Variants in SGCZ observed in about 807,000 individuals in gnomAD.
SGCZ encodes the protein sarcoglycan zeta.
A neutral mutation model predicts 41.3 loss-of-function variants in SGCZ; 40 were observed. The observed-to-expected ratio is 0.97, with a 90% CI of 0.75 to 1.26. The LOEUF is 1.26. Among genes scored for constraint, SGCZ ranks in the 50% most tolerant of loss-of-function variants. The pLI is 0.00. For synonymous variants in SGCZ, 206 were observed against 137.5 expected (o/e 1.50, Z -3.49); for missense variants, 552 against 369.8 (o/e 1.49, Z -4.04).
chr8:14,464,513 G>C (rs1176149223), intron 2 of SGCZ, among the ~76,000 whole-genome samples: 2 of 145,670 alleles, frequency 1.4e-5, no homozygotes, highest in Non-Finnish European at 3.0e-5. Flanking sequence ...AGTTCATCTA[G>C]CTGTTTGCCA....
chr8:14,154,108 T>C (rs887658281), intron 5 of SGCZ, among the ~76,000 whole-genome samples: 6 of 152,110 alleles, frequency 3.9e-5, no homozygotes, highest in African/African-American at 1.4e-4. Flanking sequence ...CGGTGGCTCA[T>C]GCCTGTAATC....
At position 14,227,187 on chromosome 8, in the gene SGCZ, C is replaced by T. The variant is rs1311304465; in HGVS notation, c.424+10405G>A. On this transcript the variant is annotated intron_variant, in intron 4 of 7. Coordinates refer to ENST00000382080, the MANE Select transcript of SGCZ (RefSeq NM_139167.4). ...ATGCCTGCTTCCCTGGAGTGGCAGG[C>T]TGGTCTCTGAATTACGTTCAATAAT... Among the ~76,000 whole-genome samples, 4 of 152,146 alleles carry T rather than the reference C, an allele frequency of 2.6e-5. No homozygotes were observed. In the East Asian group the frequency reaches 7.7e-4, roughly 29 times the overall value.
At chr8:14,154,317 C>T (rs1397381134) in intron 5 of SGCZ, among the ~76,000 whole-genome samples, 5 of 151,926 alleles carry the variant, frequency 3.3e-5, no homozygotes, top group African/African-American at 4.8e-5. Context: ...TGCAGTGAGC[C>T]GAGATCGTGC....
At chr8:14,972,905 T>C (rs928365881) in intron 1 of SGCZ, among the ~76,000 whole-genome samples, 4 of 152,252 alleles carry the variant, frequency 2.6e-5, no homozygotes, top group Non-Finnish European at 4.4e-5. Context: ...AAATCTTATG[T>C]ATTTATTTAC....
At chr8:14,091,357 T>C (rs1197794048) in intron 7 of SGCZ, among the ~76,000 whole-genome samples, 1 of 151,962 alleles carries the variant, frequency 6.6e-6, no homozygotes, top group African/African-American at 2.4e-5. Flanking sequence ...TACCCACAAA[T>C]GGGATTGCTG....
intron 5 of SGCZ, among the ~76,000 whole-genome samples, chr8:14,109,191 T>C (rs552431385): frequency 6.6e-6 from 1 of 152,352 alleles, no homozygotes; most frequent in African/African-American, 2.4e-5. Flanking sequence ...TGGTTTCATA[T>C]GGAATTGTAG....
rs1387847699 is a variant in SGCZ at position 14,514,800 on chromosome 8, T to C, written c.234+39932A>G. Among the ~76,000 whole-genome samples the C allele has an allele frequency of 7.9e-5, 7 of 89,122 alleles. No homozygotes were observed. In the South Asian group the frequency reaches 8.8e-4, roughly 11 times the overall value. 58.5% of individuals were successfully genotyped at this position (89,122 alleles called of 152,430 possible). Reference sequence around the variant, plus strand: ...ATATGTAAATGTGTGTGTGTGTGTGTGTGTGTGTGTGTGTATATATACACG... The same window carrying C: ...ATATGTAAATGTGTGTGTGTGTGTGCGTGTGTGTGTGTGTATATATACACG... On this transcript the variant is annotated intron_variant, in intron 2 of 7. Transcript: ENST00000382080.
intron 2 of SGCZ, among the ~76,000 whole-genome samples, chr8:14,402,856 T>C (rs1329547387): frequency 6.7e-6 from 1 of 149,710 alleles, no homozygotes; most frequent in African/African-American, 2.6e-5. Context: ...GGGGATGGCA[T>C]TGAATCTGTA....
At chr8:14,485,244 G>A (rs1333502537) in intron 2 of SGCZ, among the ~76,000 whole-genome samples, 1 of 151,976 alleles carries the variant, frequency 6.6e-6, no homozygotes, top group Admixed American at 6.6e-5. Flanking sequence ...ATTTATCCCA[G>A]AATTTTTCTT....
At chr8:15,047,948 T>C (rs1427058864) in intron 1 of SGCZ, among the ~76,000 whole-genome samples, 1 of 151,836 alleles carries the variant, frequency 6.6e-6, no homozygotes, top group African/African-American at 2.4e-5. Flanking sequence ...CAATTAAAAA[T>C]AGAACTACCA....
At chr8:14,973,465 C>A (rs1452760301) in intron 1 of SGCZ, among the ~76,000 whole-genome samples, 2 of 152,170 alleles carry the variant, frequency 1.3e-5, no homozygotes, top group Non-Finnish European at 2.9e-5. Context: ...CTCCCGCTTG[C>A]CTATGCCAAT....
chr8:14,313,058 GT>G (rs1174084129), intron 3 of SGCZ, among the ~76,000 whole-genome samples: 3 of 152,032 alleles, frequency 2.0e-5, no homozygotes, highest in Non-Finnish European at 2.9e-5. Context: ...GCTCAACAAC[GT>G]TTTTTCATGA....
chr8:14,539,515 G>T (rs1205765289), intron 2 of SGCZ, among the ~76,000 whole-genome samples: 1 of 151,720 alleles, frequency 6.6e-6, no homozygotes, highest in African/African-American at 2.4e-5. Context: ...CTGTTTTTTT[G>T]TTTGTTTGTT....
chr8:14,936,872 T>C (rs1800100510), intron 1 of SGCZ, among the ~76,000 whole-genome samples: 1 of 151,854 alleles, frequency 6.6e-6, no homozygotes, highest in Admixed American at 6.6e-5. Context: ...GGACTATATA[T>C]CAAAATCTGT....
intron 1 of SGCZ, among the ~76,000 whole-genome samples, chr8:14,854,628 A>G (rs1196462261): frequency 6.6e-6 from 1 of 152,216 alleles, no homozygotes. Context: ...GATATTTTGA[A>G]TACATACAGT....
At chr8:14,235,641 G>A (rs1806728863) in intron 4 of SGCZ, among the ~76,000 whole-genome samples, 2 of 152,094 alleles carry the variant, frequency 1.3e-5, no homozygotes, top group South Asian at 4.2e-4. Flanking sequence ...GCATTAAGTA[G>A]CTATTGTGTC....
intron 1 of SGCZ, among the ~76,000 whole-genome samples, chr8:15,051,975 C>T (rs117938908): frequency 2.0e-5 from 3 of 152,146 alleles, no homozygotes; most frequent in East Asian, 3.9e-4. Flanking sequence ...GAGATGAACT[C>T]GAGGCCAAGA....
At chr8:14,752,370 C>T (rs188102183) in intron 1 of SGCZ, among the ~76,000 whole-genome samples, 145 of 152,264 alleles carry the variant, frequency 9.5e-4, no homozygotes, top group Admixed American at 9.5e-3. Context: ...CTCTGCAAAG[C>T]CAGCCCTAGG....
intron 1 of SGCZ, among the ~76,000 whole-genome samples, chr8:14,867,661 A>G (rs1803982678): frequency 6.6e-6 from 1 of 152,082 alleles, no homozygotes; most frequent in African/African-American, 2.4e-5. Context: ...GCAAACTAAC[A>G]CAGGAACAGA....
Sources: allele counts gnomAD v4.1 joint callset (sites outside exome capture counted in the v4.1 genomes callset), GRCh38; gene constraint gnomAD v4.1.1; transcripts MANE v1.5; gene names NCBI Gene and HGNC (gene_info 2026-07-23, HGNC 2026-07-21).